Variants in BCL7C observed in about 807,000 individuals in gnomAD.
The protein encoded by BCL7C is BAF chromatin remodeling complex subunit BCL7C, also known as B-cell CLL/lymphoma 7 protein family member C.
BCL7C carries 8 observed loss-of-function variants against 26.2 expected under a neutral mutation model. The ratio of observed to expected loss-of-function variants is 0.30; its 90% confidence interval spans 0.18 to 0.55. BCL7C has a LOEUF of 0.55. Among genes scored for constraint, BCL7C ranks in the 20% least tolerant of loss-of-function variants. The probability of loss-of-function intolerance (pLI) is 0.93; values close to 1 mark genes in which losing one functional copy is unlikely to be tolerated. For synonymous variants in BCL7C, 90 were observed against 116.5 expected (o/e 0.77, Z 1.47); for missense variants, 262 against 298.5 (o/e 0.88, Z 0.90).
At chr16:30,889,038 ACAGAGGG>A (rs899558016) in intron 4 of BCL7C, 93 bp from the exon 5 acceptor site, 5 of 1,259,722 alleles carry the variant, frequency 4.0e-6, no homozygotes, top group Non-Finnish European at 5.8e-6. Flanking sequence ...GGCCCCAGTC[ACAGAGGG>A]CAGAGGGCCA....
chr16:30,886,163 A>C (rs560479887), downstream of BCL7C, among the ~76,000 whole-genome samples: 1 of 152,256 alleles, frequency 6.6e-6, no homozygotes, highest in East Asian at 1.9e-4. Context: ...GCTTCTTTAA[A>C]GTTCCAATTT....
intron 4 of BCL7C, among the ~76,000 whole-genome samples, chr16:30,889,564 A>C (rs981699599): frequency 3.9e-5 from 6 of 152,044 alleles, no homozygotes; most frequent in Non-Finnish European, 8.8e-5. Context: ...ATCTCGGCTC[A>C]CTGCAACCTC....
intron 5 of BCL7C, among the ~76,000 whole-genome samples, chr16:30,840,057 C>G (rs149937258): frequency 6.6e-6 from 1 of 151,990 alleles, no homozygotes; most frequent in Non-Finnish European, 1.5e-5. Flanking sequence ...ACATTACTGA[C>G]CTTCCCCCAC....
chr16:30,880,033 C>T (rs2055018963), intron 5 of BCL7C, among the ~76,000 whole-genome samples: 1 of 151,674 alleles, frequency 6.6e-6, no homozygotes, highest in African/African-American at 2.4e-5. Flanking sequence ...TAGCACATGC[C>T]TGTGGTCCCA....
chr16:30,889,052 G>T, intron 4 of BCL7C, 107 bp from the exon 5 acceptor site: 1 of 1,078,360 alleles, frequency 9.3e-7, no homozygotes, highest in Non-Finnish European at 1.4e-6. Flanking sequence ...AGGGCAGAGG[G>T]CCATGGGAGC....
chr16:30,841,726 C>T (rs541999241), intron 5 of BCL7C, among the ~76,000 whole-genome samples: 3 of 151,794 alleles, frequency 2.0e-5, no homozygotes, highest in South Asian at 2.1e-4. Context: ...GAGATTGAGG[C>T]GGGCAGATCA....
At chr16:30,843,967 G>A (rs984096370) in intron 5 of BCL7C, among the ~76,000 whole-genome samples, 2 of 149,824 alleles carry the variant, frequency 1.3e-5, no homozygotes, top group Non-Finnish European at 3.0e-5. Context: ...TCTTAAACCC[G>A]GGAGGCAGAG....
downstream of BCL7C, among the ~76,000 whole-genome samples, chr16:30,886,118 G>A (rs1337692959): frequency 6.6e-6 from 1 of 152,150 alleles, no homozygotes; most frequent in Non-Finnish European, 1.5e-5. Context: ...GGGATTACAG[G>A]TGTGAGCCAC....
At chr16:30,847,711 G>A (rs774293709) in intron 5 of BCL7C, among the ~76,000 whole-genome samples, 17 of 151,950 alleles carry the variant, frequency 1.1e-4, no homozygotes, top group Non-Finnish European at 5.9e-5. Context: ...CAGGAAAGTC[G>A]CTTGAACCCG....
At chr16:30,866,044 T>C (rs1433183932) in intron 5 of BCL7C, among the ~76,000 whole-genome samples, 1 of 151,948 alleles carries the variant, frequency 6.6e-6, no homozygotes, top group Non-Finnish European at 1.5e-5. Context: ...CATATGGGTT[T>C]TATAACAACA....
chr16:30,848,341 G>A (rs550726175), intron 5 of BCL7C, among the ~76,000 whole-genome samples: 42 of 152,256 alleles, frequency 2.8e-4, no homozygotes, highest in African/African-American at 9.6e-4. Flanking sequence ...TCCTTTGTAG[G>A]CCAAGTAAGG....
intron 5 of BCL7C, among the ~76,000 whole-genome samples, chr16:30,870,683 T>A (rs1011324553): frequency 2.0e-5 from 3 of 151,642 alleles, no homozygotes; most frequent in African/African-American, 2.4e-5. Flanking sequence ...TAAAATAAAA[T>A]TAAATAAATA....
chr16:30,860,434 G>A (rs4889536), intron 5 of BCL7C, among the ~76,000 whole-genome samples: 2 of 151,904 alleles, frequency 1.3e-5, no homozygotes, highest in Non-Finnish European at 2.9e-5. Context: ...CCTCCTTTGC[G>A]ATGGGCAAGC....
Position 30,893,956 on chromosome 16 carries a change from T to TGGGGCC in BCL7C, c.-18_-13dup, listed in dbSNP as rs1288563923. On this transcript the variant is annotated 5_prime_UTR_variant, in exon 1 of 6. Coordinates refer to ENST00000215115, the MANE Select transcript of BCL7C (RefSeq NM_004765.4). The surrounding 1 kb of genome is among the most constrained non-coding windows in gnomAD (Gnocchi z 5.2). ...GTCCGGCCGGCCATGCTGGCGGGGC[T>TGGGGCC]GGGGCCGGGGCCGAGCCCGCGGCGG... 4.7e-6 allele frequency: 7 copies of TGGGGCC among 1,505,114 alleles called. No individual in the cohort carries two copies. The highest frequency in any genetic ancestry group is 2.6e-5 in the East Asian group (1 of 37,750). 93.2% of individuals were successfully genotyped at this position (1,505,114 alleles called of 1,614,324 possible). A position where few individuals can be genotyped will look rare whatever the true frequency, so the allele number is the denominator to read the frequency against.
chr16:30,883,233 G>T (rs1458335618), downstream of BCL7C, among the ~76,000 whole-genome samples: 1 of 152,148 alleles, frequency 6.6e-6, no homozygotes, highest in Non-Finnish European at 1.5e-5. Flanking sequence ...CGAGAGCCAG[G>T]GGTAGAAGGA....
At chr16:30,875,635 A>G (rs886210550) in intron 5 of BCL7C, 1 of 152,248 alleles carries the variant, frequency 6.6e-6, no homozygotes, top group Non-Finnish European at 1.5e-5. Flanking sequence ...CTTAAGATAC[A>G]GACATTAAAA....
chr16:30,859,847 T>G (rs1252590750), intron 5 of BCL7C, among the ~76,000 whole-genome samples: 2 of 152,156 alleles, frequency 1.3e-5, no homozygotes, highest in Non-Finnish European at 2.9e-5. Flanking sequence ...CAAAGCCTGT[T>G]TGGTGGTCTC....
Position 30,893,920 on chromosome 16 carries a change from C to T in BCL7C, c.25G>A (p.Glu9Lys). 1 of 1,596,002 alleles carries T rather than the reference C, an allele frequency of 6.3e-7. No individual in the cohort carries two copies. Among genetic ancestry groups the T allele is most frequent in the Non-Finnish European group, 8.5e-7 (1 of 1,176,668 alleles). Residue 9 changes from glutamate (E) to lysine (K), a missense_variant, in exon 1 of 6, where the codon GAG becomes AAG. Coordinates refer to ENST00000215115, the MANE Select transcript of BCL7C (RefSeq NM_004765.4). This position sits in a 1 kb window ranked among gnomAD's most constrained non-coding sequence, Gnocchi z 5.2. ...TCATCCTTGGCCCGGCTCCGGGTCTCGGCCCGTACAGTCCGGCCGGCCATG... is the reference window on the plus strand; with the variant it reads ...TCATCCTTGGCCCGGCTCCGGGTCTTGGCCCGTACAGTCCGGCCGGCCATG... MAGRTVRA[E>K]TRSRAKDDIK...
At chr16:30,849,294 T>C (rs2054655899) in intron 5 of BCL7C, among the ~76,000 whole-genome samples, 1 of 152,178 alleles carries the variant, frequency 6.6e-6, no homozygotes, top group African/African-American at 2.4e-5. Context: ...TCATGTATTT[T>C]GGGGCTCTGT....
Sources: allele counts gnomAD v4.1 joint callset (sites outside exome capture counted in the v4.1 genomes callset), GRCh38; gene constraint gnomAD v4.1.1; non-coding constraint Gnocchi (gnomAD v3.1); transcripts MANE v1.5; gene names NCBI Gene and HGNC (gene_info 2026-07-23, HGNC 2026-07-21).